The following ELMOD2 variants were observed in gnomAD, a reference collection of about 807,000 sequenced individuals.
ELMOD2 encodes ELMO domain-containing protein 2.
ELMOD2 carries 28 observed loss-of-function variants against 41.0 expected under a neutral mutation model. The observed-to-expected ratio is 0.68, with a 90% confidence interval of 0.51 to 0.94. ELMOD2 has a LOEUF of 0.94. ELMOD2 is among the 40% of genes least tolerant of loss of function. ELMOD2 has a pLI of 0.00. For missense variants in ELMOD2, 333 were observed against 343.1 expected (o/e 0.97, Z 0.23); for synonymous variants, 106 against 107.2 (o/e 0.99, Z 0.07).
chr4:140,525,506 T>C lies in ELMOD2; in HGVS notation c.78T>C (p.Thr26=). 7 of 1,614,034 alleles carry C rather than the reference T, an allele frequency of 4.3e-6. No individual in the cohort carries two copies. Among genetic ancestry groups the C allele is most frequent in the Non-Finnish European group, 5.9e-6 (7 of 1,179,968 alleles). The change falls in exon 2 of 9, where the codon ACT becomes ACC. Residue 26 remains threonine, a synonymous_variant. Transcript: ENST00000323570. ...FWMKWLLRQM[T]GKCELQRIFD... ...TGAAATGGCTATTACGACAGATGAC[T>C]GGGAAGTGTGAATTGCAGCGAATAT...
intron 2 of ELMOD2, 103 bp from the exon 3 acceptor site, chr4:140,527,363 T>C (rs1734600746): frequency 2.3e-6 from 2 of 871,968 alleles, no homozygotes; most frequent in African/African-American, 3.4e-5. Flanking sequence ...CCTGGAACTA[T>C]TAGTTTGTTA....
At chr4:140,545,350 T>C (rs2110876401) in intron 8 of ELMOD2, among the ~76,000 whole-genome samples, 1 of 152,312 alleles carries the variant, frequency 6.6e-6, no homozygotes, top group African/African-American at 2.4e-5. Flanking sequence ...GGCCCAGCCC[T>C]GTGCCCACTC....
At chr4:140,526,243 T>C (rs1344008414) in intron 2 of ELMOD2, among the ~76,000 whole-genome samples, 1 of 152,238 alleles carries the variant, frequency 6.6e-6, no homozygotes, top group Non-Finnish European at 1.5e-5. Context: ...TAAAATGTTA[T>C]CTGTTTCTTT....
In ELMOD2 at chr4:140,525,563, C is replaced by G; in HGVS notation, c.135C>G (p.His45Gln). Residue 45 changes from histidine to glutamine, a missense_variant, in exon 2 of 9, where the codon CAC becomes CAG. Physicochemically the swap from His to Gln is conservative, Grantham distance 24. Coordinates refer to ENST00000323570, the MANE Select transcript of ELMOD2 (RefSeq NM_153702.4). ...CCTATGTAGGTGCACAAAGGACACA[C>G]AGGATAGGTAATGTTATTCAAAAAG... ...FDTYVGAQRT[H>Q]RIENSLTYSK... 1 of 1,606,400 alleles carries G rather than the reference C, an allele frequency of 6.2e-7. No individual in the cohort carries two copies. Among genetic ancestry groups the G allele is most frequent in the Non-Finnish European group, 8.5e-7 (1 of 1,177,900 alleles).
chr4:140,525,377 G>A, intron 1 of ELMOD2, 43 bp from the exon 2 acceptor site: 7 of 1,580,616 alleles, frequency 4.4e-6, no homozygotes, highest in Non-Finnish European at 6.0e-6. Flanking sequence ...TTAAAATTCA[G>A]TTTAAGGTCA....
At chr4:140,525,151 A>T (rs1026719852) in intron 1 of ELMOD2, 1 of 265,628 alleles carries the variant, frequency 3.8e-6, no homozygotes, top group South Asian at 7.3e-5. Context: ...AGTGCAAACC[A>T]TTCTGTTACT....
rs989764054 is a variant in ELMOD2, at chr4:140,552,616, A to G, written c.*2241A>G. ...CTACCTTCCTACTTTCCCTTTTGAC[A>G]TATGTAGTTGGAATTTTACATAGTC... On this transcript the variant is annotated 3_prime_UTR_variant, in exon 9 of 9. Transcript: ENST00000323570. 12 of 152,206 alleles carry G rather than the reference A, an allele frequency of 7.9e-5. No individual in the cohort carries two copies. The highest frequency in any genetic ancestry group is 2.1e-4 in the South Asian group (1 of 4,832). The allele number at this position is 152,206 out of a possible 1,614,324, so 9.4% of individuals were successfully genotyped here.
At chr4:140,524,545 G>T (rs570057248) in intron 1 of ELMOD2, 2 of 966,018 alleles carry the variant, frequency 2.1e-6, no homozygotes, top group African/African-American at 1.8e-5. Flanking sequence ...AATGAGCGCG[G>T]ACTAGATGGC....
intron 8 of ELMOD2, among the ~76,000 whole-genome samples, chr4:140,545,360 C>T (rs1735241365): frequency 6.6e-6 from 1 of 152,178 alleles, no homozygotes. Flanking sequence ...TGTGCCCACT[C>T]CTCTCTTTAG....
intron 8 of ELMOD2, among the ~76,000 whole-genome samples, chr4:140,545,511 A>G (rs374644414): frequency 6.6e-6 from 1 of 152,146 alleles, no homozygotes; most frequent in South Asian, 2.1e-4. Flanking sequence ...TTCTCCCTTA[A>G]TGGATAAGGA....
At chr4:140,528,837 A>T (rs539289210) in intron 3 of ELMOD2, among the ~76,000 whole-genome samples, 1 of 152,312 alleles carries the variant, frequency 6.6e-6, no homozygotes, top group South Asian at 2.1e-4. Context: ...CTTTGTTCAG[A>T]ATTGTTAGAG....
intron 3 of ELMOD2, among the ~76,000 whole-genome samples, chr4:140,531,015 A>G (rs1305976190): frequency 6.6e-6 from 1 of 152,160 alleles, no homozygotes; most frequent in Non-Finnish European, 1.5e-5. Flanking sequence ...ACAGTCTAAG[A>G]GAATGCCCAA....
intron 4 of ELMOD2, 47 bp downstream of exon 4, chr4:140,535,877 G>T: frequency 6.5e-7 from 1 of 1,527,786 alleles, no homozygotes; most frequent in Non-Finnish European, 8.9e-7. Context: ...TTTATAGCCT[G>T]TGAGGTATCA....
intron 1 of ELMOD2, chr4:140,525,193 G>A: frequency 2.5e-6 from 1 of 403,342 alleles, no homozygotes; most frequent in Non-Finnish European, 4.4e-6. Context: ...TGAGTACATT[G>A]TTTGAATTTT....
chr4:140,524,657 C>A, intron 1 of ELMOD2: 1 of 985,488 alleles, frequency 1.0e-6, no homozygotes. Context: ...GGCCCTAGTC[C>A]AGAGGTGACG....
At chr4:140,547,861 A>G (rs1735341799) in intron 8 of ELMOD2, among the ~76,000 whole-genome samples, 1 of 152,200 alleles carries the variant, frequency 6.6e-6, no homozygotes, top group East Asian at 1.9e-4. Flanking sequence ...TGGACTCAAA[A>G]GGACAAAATA....
intron 3 of ELMOD2, among the ~76,000 whole-genome samples, chr4:140,533,817 T>C (rs1479760419): frequency 6.6e-6 from 1 of 152,014 alleles, no homozygotes; most frequent in Non-Finnish European, 1.5e-5. Context: ...ATGACAAAAG[T>C]GTATATATAC....
At chr4:140,525,678 A>T in intron 2 of ELMOD2, 108 bp downstream of exon 2, 1 of 1,243,700 alleles carries the variant, frequency 8.0e-7, no homozygotes, top group Non-Finnish European at 1.1e-6. Flanking sequence ...AGTCACTTAA[A>T]CTGAATTTCA....
chr4:140,537,464 C>A lies in ELMOD2; in HGVS notation c.322C>A (p.Leu108Met). Reference sequence around the variant, plus strand: ...ACTGCAGATAACTGGTTATAAACAGCTGTATTTGGATGTAGAAAGTGTGAG... The same window carrying A: ...ACTGCAGATAACTGGTTATAAACAGATGTATTTGGATGTAGAAAGTGTGAG... Reference protein sequence around the residue: ...CLLQITGYKQLYLDVESVRKR... With the variant: ...CLLQITGYKQMYLDVESVRKR... Residue 108 changes from leucine to methionine, a missense_variant, in exon 5 of 9, where the codon CTG becomes ATG. Leu to Met is a conservative substitution (Grantham distance 15). Transcript: ENST00000323570. 6.3e-7 allele frequency: 1 copy of A among 1,577,554 alleles called. No homozygotes were observed. Among genetic ancestry groups the A allele is most frequent in the Non-Finnish European group, 8.6e-7 (1 of 1,165,478 alleles).
Sources: allele counts gnomAD v4.1 joint callset (sites outside exome capture counted in the v4.1 genomes callset), GRCh38; gene constraint gnomAD v4.1.1; transcripts MANE v1.5; gene names NCBI Gene and HGNC (gene_info 2026-07-23, HGNC 2026-07-21).